IQSEC2: variants seen among roughly 807,000 people sequenced by gnomAD.
The protein encoded by IQSEC2 is IQ motif and Sec7 domain ArfGEF 2, also known as IQ motif and SEC7 domain-containing protein 2.
A neutral mutation model predicts 74.6 loss-of-function variants in IQSEC2; 6 were observed. The observed-to-expected ratio is 0.08, with a 90% CI of 0.04 to 0.16. IQSEC2 has a LOEUF of 0.16. Ranked by LOEUF, IQSEC2 falls within the 10% of genes least tolerant of loss-of-function variation. IQSEC2 has a pLI of 1.00. For synonymous variants in IQSEC2, 494 were observed against 544.5 expected (o/e 0.91, Z 1.29); for missense variants, 734 against 1,306.2 (o/e 0.56, Z 6.75).
At chrX:53,247,400 C>T (rs190956580) in intron 7 of IQSEC2, among the ~76,000 whole-genome samples, 2 of 112,243 alleles carry the variant, frequency 1.8e-5, no homozygotes, top group African/African-American at 6.5e-5. Context: ...TCCCATTTTA[C>T]AGATGAAGTG....
chrX:53,297,851 CAGG>C (rs1569331191), intron 1 of IQSEC2, among the ~76,000 whole-genome samples: 65 of 111,369 alleles, frequency 5.8e-4, no homozygotes, highest in African/African-American at 2.0e-3. Flanking sequence ...TCTCTCAGGC[CAGG>C]CGTGGTGGCT....
At chrX:53,276,534 C>T (rs1368862649) in intron 2 of IQSEC2, among the ~76,000 whole-genome samples, 2 of 112,357 alleles carry the variant, frequency 1.8e-5, no homozygotes, top group African/African-American at 6.5e-5. Context: ...ACATTTATAC[C>T]ATGTATTTCT....
At chrX:53,289,588 C>T (rs1277289170) in intron 2 of IQSEC2, among the ~76,000 whole-genome samples, 1 of 111,620 alleles carries the variant, frequency 9.0e-6, no homozygotes, top group Non-Finnish European at 1.9e-5. Flanking sequence ...TCTCCTTCAC[C>T]CTAACTGGAG....
At chrX:53,313,214 G>C (rs782250604) in intron 1 of IQSEC2, among the ~76,000 whole-genome samples, 7 of 112,270 alleles carry the variant, frequency 6.2e-5, no homozygotes, top group Non-Finnish European at 1.1e-4. Flanking sequence ...CGGTATGCCA[G>C]GCAGCCAGGA....
At chrX:53,255,722 A>G (rs1336366020) in intron 3 of IQSEC2, 78 bp downstream of exon 3, 3 of 1,133,104 alleles carry the variant, frequency 2.6e-6, no homozygotes, top group Non-Finnish European at 3.6e-6. Context: ...TACCACCCCC[A>G]AGAGCCACAT....
intron 2 of IQSEC2, among the ~76,000 whole-genome samples, chrX:53,282,261 C>G (rs1234504111): frequency 8.9e-6 from 1 of 112,609 alleles, no homozygotes; most frequent in African/African-American, 3.2e-5. Context: ...AACTGCCCAG[C>G]CTGACTTTAT....
chrX:53,311,374 G>A (rs782400825), intron 1 of IQSEC2, among the ~76,000 whole-genome samples: 2 of 109,653 alleles, frequency 1.8e-5, no homozygotes, highest in African/African-American at 6.6e-5. Context: ...GGTCATGAAC[G>A]CTGCCACTCC....
At chrX:53,228,557 C>A (rs2074052046), downstream of IQSEC2, among the ~76,000 whole-genome samples, 1 of 112,047 alleles carries the variant, frequency 8.9e-6, no homozygotes, top group East Asian at 2.8e-4. Context: ...CGTCTGGGCT[C>A]AAAACCACAC....
At chrX:53,318,691 C>T (rs782244618) in intron 1 of IQSEC2, among the ~76,000 whole-genome samples, 1 of 113,016 alleles carries the variant, frequency 8.8e-6, no homozygotes, top group Non-Finnish European at 1.9e-5. Context: ...AAAGTTCTTC[C>T]TAATCTATCT....
chrX:53,307,862 A>C (rs1427098087), intron 1 of IQSEC2, among the ~76,000 whole-genome samples: 1 of 99,062 alleles, frequency 1.0e-5, no homozygotes, highest in Admixed American at 1.1e-4. Flanking sequence ...ACTCCACCCT[A>C]TGCAACAGAG....
chrX:53,245,576 C>A (rs1471527406), intron 8 of IQSEC2, among the ~76,000 whole-genome samples: 1 of 111,909 alleles, frequency 8.9e-6, no homozygotes, highest in Non-Finnish European at 1.9e-5. Flanking sequence ...GCAGCCACAG[C>A]GGCACAAACC....
intron 14 of IQSEC2, 90 bp downstream of exon 14, chrX:53,235,693 G>T (rs781812999): frequency 8.2e-6 from 8 of 977,134 alleles, no homozygotes; most frequent in South Asian, 2.1e-5. Context: ...GCAGGGAAGA[G>T]GGGGAGCAAC....
chrX:53,239,615 T>A (rs17002634), intron 10 of IQSEC2: 4,942 of 261,645 alleles, frequency 0.019, 232 homozygotes, highest in African/African-American at 0.13. Context: ...AGCTCCAGAA[T>A]GGTGATTCAG....
At chrX:53,307,178 T>A (rs1421729407) in intron 1 of IQSEC2, among the ~76,000 whole-genome samples, 1 of 109,724 alleles carries the variant, frequency 9.1e-6, no homozygotes, top group Non-Finnish European at 1.9e-5. Context: ...AACAACCAAC[T>A]CCCTGCCAGC....
Position 53,321,165 on chromosome X carries a change from T to C in IQSEC2, c.-42A>G. 1.2e-6 allele frequency: 1 copy of C among 845,957 alleles called. No homozygotes were observed. The highest frequency in any genetic ancestry group is 1.7e-6 in the Non-Finnish European group (1 of 603,693). 69.7% of individuals were successfully genotyped at this position (845,957 alleles called of 1,213,427 possible). A position where few individuals can be genotyped will look rare whatever the true frequency, so the allele number is the denominator to read the frequency against. Reference sequence around the variant, plus strand: ...CAGGGGAACGGGCAGGAGAGCCCTGTCCCCGCTCTCTCACGGCGCCACCCT... The same window carrying C: ...CAGGGGAACGGGCAGGAGAGCCCTGCCCCCGCTCTCTCACGGCGCCACCCT... On this transcript the variant is annotated 5_prime_UTR_variant, in exon 1 of 15. Transcript: ENST00000642864.
intron 1 of IQSEC2, among the ~76,000 whole-genome samples, chrX:53,293,392 T>C (rs1602351873): frequency 8.9e-6 from 1 of 112,085 alleles, no homozygotes; most frequent in Non-Finnish European, 1.9e-5. Context: ...GCTCAGCAGA[T>C]GCCAGTAGCA....
intron 2 of IQSEC2, among the ~76,000 whole-genome samples, chrX:53,281,091 CCAGTCTCCAGCCCAAGTCCTTGACT>C (rs1350459601): frequency 8.9e-6 from 1 of 112,860 alleles, no homozygotes; most frequent in Non-Finnish European, 1.9e-5. Flanking sequence ...TTCTCAGGTG[CCAGTCTCCAGCCCAAGTCCTTGACT>C]CATTATCTCT....
In IQSEC2 at chrX:53,234,857, G is replaced by A; in HGVS notation, c.3829C>T (p.Pro1277Ser). Residue 1277 changes from proline to serine, a missense_variant, in exon 15 of 15, where the codon CCT becomes TCT. Around this residue, in one of 12 missense-constraint regions of IQSEC2, gnomAD observed 249 missense variants for 467.9 expected, o/e 0.53. Transcript: ENST00000642864. ...LHAQYCQGPGPAPPPYLPPQQ... is the reference protein window; with the variant it reads ...LHAQYCQGPGSAPPPYLPPQQ... Reference sequence around the variant, plus strand: ...GGTGGGAGGTAGGGTGGCGGGGCAGGGCCCGGTCCTTGGCAATACTGGGCA... The same window carrying A: ...GGTGGGAGGTAGGGTGGCGGGGCAGAGCCCGGTCCTTGGCAATACTGGGCA... 4.3e-6 allele frequency: 5 copies of A among 1,150,420 alleles called. No homozygotes were observed. The highest frequency in any genetic ancestry group is 4.6e-6 in the Non-Finnish European group (4 of 863,284). 94.8% of individuals were successfully genotyped at this position (1,150,420 alleles called of 1,213,427 possible). A position where few individuals can be genotyped will look rare whatever the true frequency, so the allele number is the denominator to read the frequency against.
chrX:53,290,519 C>T lies in IQSEC2; in HGVS notation c.737+1376G>A, dbSNP rs140542995. On this transcript the variant is annotated intron_variant, in intron 2 of 14. Transcript: ENST00000642864. ...CAAACCCACGGTGGGACACTGAGAT[C>T]TATTCCCTTTGCTAGACAGGTGCCT... Among the ~76,000 whole-genome samples the T allele has an allele frequency of 1.8e-3, 196 of 111,950 alleles. 4 individuals carry two copies. In the East Asian group the frequency reaches 0.04, roughly 23 times the overall value.
Sources: gnomAD v4.1 joint callset for allele counts (sites outside exome capture counted in the v4.1 genomes callset) on GRCh38, gnomAD v4.1.1 for gene constraint, gnomAD v4.1.1 regional missense constraint, MANE v1.5 for transcripts, NCBI Gene and HGNC (gene_info 2026-07-23, HGNC 2026-07-21) for gene names.